The following AFAP1L2 variants were observed in gnomAD, a reference collection of about 807,000 sequenced individuals.
AFAP1L2 encodes actin filament-associated protein 1-like 2.
In AFAP1L2, 46 loss-of-function variants were observed where a neutral mutation model predicts 99.3. The ratio of observed to expected loss-of-function variants is 0.46; its 90% CI spans 0.37 to 0.59. The LOEUF (loss-of-function observed/expected upper bound fraction) is 0.59, where lower values mean the gene tolerates loss of function less well. Ranked by LOEUF, AFAP1L2 falls within the 20% of genes least tolerant of loss-of-function variation. AFAP1L2 has a pLI of 0.00. For missense variants in AFAP1L2, 959 were observed against 1,034.9 expected (o/e 0.93, Z 1.01); for synonymous variants, 397 against 419.1 (o/e 0.95, Z 0.64).
downstream of AFAP1L2, among the ~76,000 whole-genome samples, chr10:114,291,907 A>C (rs1054783589): frequency 6.6e-6 from 1 of 152,266 alleles, no homozygotes; most frequent in Non-Finnish European, 1.5e-5. Flanking sequence ...CTGAGTGTGC[A>C]ATGGGCCCAG....
At chr10:114,402,554 C>A (rs184258961) in intron 1 of AFAP1L2, among the ~76,000 whole-genome samples, 1 of 152,296 alleles carries the variant, frequency 6.6e-6, no homozygotes, top group Admixed American at 6.5e-5. Flanking sequence ...GCAAAATGAT[C>A]AGGCAGATAC....
intron 4 of AFAP1L2, among the ~76,000 whole-genome samples, chr10:114,325,536 C>A (rs1440451432): frequency 6.6e-6 from 1 of 152,212 alleles, no homozygotes; most frequent in Non-Finnish European, 1.5e-5. Flanking sequence ...GCATGTGGCA[C>A]CCCCTACAAA....
At position 114,377,271 on chromosome 10, in the gene AFAP1L2, G is replaced by A. The variant is rs973690861; in HGVS notation, c.16+27169C>T. Among the ~76,000 whole-genome samples the A allele has an allele frequency of 2.0e-5, 3 of 152,220 alleles. No individual in the cohort carries two copies. Among genetic ancestry groups the A allele is most frequent in the Non-Finnish European group, 4.4e-5 (3 of 68,038 alleles). ...AAGGAATGTTTTACCAGAGTATCTG[G>A]AAAGCCTAGTAGAAATATTCTGCCT... On this transcript the variant is annotated intron_variant, in intron 1 of 18. Transcript: ENST00000304129. This position sits in a 1 kb window ranked among gnomAD's most constrained non-coding sequence, Gnocchi z 4.0.
At chr10:114,344,475 C>T (rs1184562335) in intron 1 of AFAP1L2, among the ~76,000 whole-genome samples, 1 of 152,234 alleles carries the variant, frequency 6.6e-6, no homozygotes, top group African/African-American at 2.4e-5. Flanking sequence ...TATCTTTTCA[C>T]TTCCGCATCC....
rs534937673 is a variant in AFAP1L2, at chr10:114,385,245, G to A, written c.16+19195C>T. Among the ~76,000 whole-genome samples the A allele has an allele frequency of 9.2e-5, 14 of 152,230 alleles. No individual in the cohort carries two copies. In the East Asian group the frequency reaches 9.7e-4, roughly 11 times the overall value. On this transcript the variant is annotated intron_variant, in intron 1 of 18. Transcript: ENST00000304129. Reference sequence around the variant, plus strand: ...GAAGCCAGGCACACAGAGAAGCCCCGTTTTAGGAGAGGCTATTTCATCAGG... The same window carrying A: ...GAAGCCAGGCACACAGAGAAGCCCCATTTTAGGAGAGGCTATTTCATCAGG...
intron 1 of AFAP1L2, chr10:114,398,799 C>A (rs1721263550): frequency 7.7e-7 from 1 of 1,298,324 alleles, no homozygotes; most frequent in African/African-American, 1.5e-5. Context: ...CCCTCGGGAG[C>A]CCTGGAGGCC....
chr10:114,331,919 G>A, intron 3 of AFAP1L2, 22 bp from the exon 4 acceptor site: 1 of 1,285,426 alleles, frequency 7.8e-7, no homozygotes, highest in Non-Finnish European at 9.9e-7. Context: ...AAAAGGAAAA[G>A]GCTTCGGTGA....
chr10:114,283,322 G>T, the AFAP1L2 span, among the ~76,000 whole-genome samples: 19 of 141,838 alleles, frequency 1.3e-4, no homozygotes, highest in Admixed American at 6.8e-4. Flanking sequence ...CACAGGCAGG[G>T]TAGCGAGCAG....
the AFAP1L2 span, among the ~76,000 whole-genome samples, chr10:114,283,528 ATTAGGGT>A: frequency 1.3e-5 from 2 of 152,224 alleles, no homozygotes; most frequent in African/African-American, 4.8e-5. Flanking sequence ...CTGCTCAGAA[ATTAGGGT>A]TTGAGGACTT....
At chr10:114,311,538 G>A (rs1299795979) in intron 7 of AFAP1L2, among the ~76,000 whole-genome samples, 1 of 152,226 alleles carries the variant, frequency 6.6e-6, no homozygotes, top group Non-Finnish European at 1.5e-5. Context: ...TTGAGCCTGA[G>A]CCTCAGCCAC....
In AFAP1L2 at chr10:114,387,420, A is replaced by T. The variant is rs372423193; in HGVS notation, c.16+17020T>A. 1.1e-3 allele frequency among the ~76,000 whole-genome samples: 163 copies of T among 152,316 alleles called. 1 individual carries two copies. The highest frequency in any genetic ancestry group is 9.7e-4 in the East Asian group (5 of 5,178). ...TGATTCAGCTTCCCCTGCCCCACAT[A>T]GAACCTAATGGCAGCATTACTAAAA... On this transcript the variant is annotated intron_variant, in intron 1 of 18. Coordinates refer to ENST00000304129, the MANE Select transcript of AFAP1L2 (RefSeq NM_001001936.3).
intron 1 of AFAP1L2, among the ~76,000 whole-genome samples, chr10:114,365,564 A>G (rs534713473): frequency 2.6e-4 from 40 of 152,226 alleles, no homozygotes; most frequent in South Asian, 1.2e-3. Context: ...AGTAGCCCCA[A>G]TGAACTGGTC....
chr10:114,356,668 CAGAG>C (rs2051440564), intron 1 of AFAP1L2, among the ~76,000 whole-genome samples: 1 of 152,148 alleles, frequency 6.6e-6, no homozygotes, highest in African/African-American at 2.4e-5. Context: ...AAACAATGTT[CAGAG>C]AGAGAAAGGG....
At position 114,304,703 on chromosome 10, in the gene AFAP1L2, T is replaced by G. The variant is rs757856847; in HGVS notation, c.1284+16A>C. 2 of 1,589,492 alleles carry G rather than the reference T, an allele frequency of 1.3e-6. No homozygotes were observed. Among genetic ancestry groups the G allele is most frequent in the Non-Finnish European group, 1.7e-6 (2 of 1,170,338 alleles). The stretch of plus-strand genomic sequence containing the variant: ...ACACCCTGGCTGGCCCTGCTCCCCC[T>G]GCAGGCCGGCGGTACCTCAAGCTTG... On this transcript the variant is annotated intron_variant, in intron 11 of 18. Transcript: ENST00000304129.
At chr10:114,375,700 A>G (rs113460903) in intron 1 of AFAP1L2, among the ~76,000 whole-genome samples, 2,145 of 152,320 alleles carry the variant, frequency 0.014, 44 homozygotes, top group African/African-American at 0.048. Flanking sequence ...GTGGCTAGGC[A>G]TCATAGCTCA....
At chr10:114,285,676 G>A in the AFAP1L2 span, among the ~76,000 whole-genome samples, 3 of 152,182 alleles carry the variant, frequency 2.0e-5, no homozygotes, top group South Asian at 2.1e-4. Flanking sequence ...GACACACACA[G>A]GACTAACCAT....
chr10:114,319,681 G>T (rs955580063), intron 5 of AFAP1L2: 2 of 1,273,010 alleles, frequency 1.6e-6, no homozygotes, highest in Non-Finnish European at 1.0e-6. Flanking sequence ...AGAGGGAAGA[G>T]AAGAGAGACA....
In AFAP1L2 at chr10:114,295,116, A is replaced by G; in HGVS notation, c.*926T>C. ...AGGGCGATCACCCTAACCAAAAATC[A>G]CCACTTTGTTCTTGGAAGGAGAATG... On this transcript the variant is annotated 3_prime_UTR_variant, in exon 19 of 19. Coordinates refer to ENST00000304129, the MANE Select transcript of AFAP1L2 (RefSeq NM_001001936.3). 1.0e-6 allele frequency: 1 copy of G among 985,782 alleles called. No homozygotes were observed. The highest frequency in any genetic ancestry group is 1.2e-6 in the Non-Finnish European group (1 of 829,918). 61.1% of individuals were successfully genotyped at this position (985,782 alleles called of 1,614,324 possible).
intron 1 of AFAP1L2, among the ~76,000 whole-genome samples, chr10:114,393,926 T>C (rs1457890132): frequency 1.3e-5 from 2 of 152,236 alleles, no homozygotes; most frequent in African/African-American, 4.8e-5. Context: ...GGACACATTC[T>C]CATGCTCCCC....
Sources: allele counts gnomAD v4.1 joint callset (sites outside exome capture counted in the v4.1 genomes callset), GRCh38; gene constraint gnomAD v4.1.1; non-coding constraint Gnocchi (gnomAD v3.1); transcripts MANE v1.5; gene names NCBI Gene and HGNC (gene_info 2026-07-23, HGNC 2026-07-21).